CRACD: variants seen among roughly 807,000 people sequenced by gnomAD.
CRACD encodes the protein capping protein-inhibiting regulator of actin dynamics.
In CRACD, 56 loss-of-function variants were observed where a neutral mutation model predicts 106.8. The ratio of observed to expected loss-of-function variants is 0.52; its 90% CI spans 0.42 to 0.66. CRACD has a LOEUF of 0.66. CRACD is among the 30% of genes least tolerant of loss of function. The pLI, the probability that CRACD is intolerant of heterozygous loss-of-function variation, is 0.00. For missense variants in CRACD, 1,730 were observed against 1,623.2 expected (o/e 1.07, Z -1.13); for synonymous variants, 754 against 670.8 (o/e 1.12, Z -1.92).
intron 1 of CRACD, among the ~76,000 whole-genome samples, chr4:56,073,013 C>A (rs1397306583): frequency 1.3e-5 from 2 of 152,132 alleles, no homozygotes; most frequent in Admixed American, 1.3e-4. Context: ...CATTGATGGG[C>A]ATTTGGGTTG....
chr4:56,057,627 T>G (rs1029554510), intron 1 of CRACD, among the ~76,000 whole-genome samples: 5 of 144,344 alleles, frequency 3.5e-5, no homozygotes, highest in African/African-American at 1.3e-4. Flanking sequence ...TAGGTTGGGT[T>G]TTTTTTTTTT....
At chr4:56,077,992 C>A (rs950805266) in intron 1 of CRACD, among the ~76,000 whole-genome samples, 2 of 152,034 alleles carry the variant, frequency 1.3e-5, no homozygotes, top group African/African-American at 4.8e-5. Flanking sequence ...ATAAAGGCAC[C>A]AAATTATGAA....
intron 2 of CRACD, among the ~76,000 whole-genome samples, chr4:56,226,108 C>T (rs988191750): frequency 2.8e-5 from 4 of 141,606 alleles, no homozygotes; most frequent in Non-Finnish European, 6.1e-5. Context: ...TTCTTATCCA[C>T]ATACCATTGG....
At chr4:56,087,173 C>T (rs541968281) in intron 1 of CRACD, among the ~76,000 whole-genome samples, 39 of 152,154 alleles carry the variant, frequency 2.6e-4, no homozygotes, top group Admixed American at 4.6e-4. Flanking sequence ...TCACTATGCC[C>T]GGCTAATTTT....
chr4:56,115,625 G>T (rs752790629), intron 1 of CRACD, among the ~76,000 whole-genome samples: 53 of 152,244 alleles, frequency 3.5e-4, no homozygotes, highest in Admixed American at 7.2e-4. Flanking sequence ...GATTCAAAGA[G>T]GTTACAGTAA....
chr4:56,147,371 T>C (rs1197651697), intron 1 of CRACD, among the ~76,000 whole-genome samples: 1 of 152,210 alleles, frequency 6.6e-6, no homozygotes, highest in Non-Finnish European at 1.5e-5. Flanking sequence ...TAGAACATTT[T>C]CATCATCTGG....
Position 56,274,906 on chromosome 4 carries a change from A to G in CRACD, c.-17+2414A>G, listed in dbSNP as rs151111434. On this transcript the variant is annotated intron_variant, in intron 3 of 10. Transcript: ENST00000682029. ...TAAATACCCATCAGTGACAGATTGG[A>G]TAAAGAAATGTAGTGCATATGCACC... Among the ~76,000 whole-genome samples, 265 of 152,354 alleles carry G rather than the reference A, an allele frequency of 1.7e-3. 2 individuals are homozygous for G. In the Middle Eastern group the frequency reaches 0.02, roughly 12 times the overall value.
At chr4:56,080,772 G>A (rs989586795) in intron 1 of CRACD, among the ~76,000 whole-genome samples, 7 of 152,208 alleles carry the variant, frequency 4.6e-5, no homozygotes, top group African/African-American at 1.7e-4. Flanking sequence ...CAGTGGCAAA[G>A]CAAGGTGACG....
intron 1 of CRACD, among the ~76,000 whole-genome samples, chr4:56,156,926 A>T (rs11937414): frequency 6.6e-6 from 1 of 152,044 alleles, no homozygotes. Flanking sequence ...GTATAAGGGC[A>T]GAGATTTTTT....
chr4:56,096,782 G>T (rs1733614410), intron 1 of CRACD, among the ~76,000 whole-genome samples: 1 of 152,208 alleles, frequency 6.6e-6, no homozygotes, highest in African/African-American at 2.4e-5. Context: ...CAGTGGTGGT[G>T]ACAGATGGCC....
chr4:56,312,201 G>T (rs139844970), intron 6 of CRACD, among the ~76,000 whole-genome samples: 4 of 152,124 alleles, frequency 2.6e-5, no homozygotes, highest in Non-Finnish European at 4.4e-5. Flanking sequence ...TGCTTTGTGG[G>T]CTAGGCTAGA....
intron 2 of CRACD, among the ~76,000 whole-genome samples, chr4:56,271,122 A>G (rs867063028): frequency 1.1e-4 from 16 of 151,988 alleles, no homozygotes; most frequent in Non-Finnish European, 2.1e-4. Context: ...AAAAAAAAAA[A>G]AGTTTTTAAA....
At chr4:56,106,118 G>C (rs1733942455) in intron 1 of CRACD, among the ~76,000 whole-genome samples, 1 of 151,974 alleles carries the variant, frequency 6.6e-6, no homozygotes, top group Non-Finnish European at 1.5e-5. Context: ...CATTTTGCTG[G>C]GCAGTGTCCT....
At position 56,315,058 on chromosome 4, in the gene CRACD, T is replaced by TGGAGGAGCTGCGGTGGCA; in HGVS notation, c.1562_1579dup (p.Glu521_Glu526dup). ...GCCGCCCTTGAACAAGGCCGCAAGG[T>TGGAGGAGCTGCGGTGGCA]GGAGGAGCTGCGGTGGCAGGAGGTG... On this transcript the variant is annotated inframe_insertion, in exon 8 of 11. Coordinates refer to ENST00000682029, the MANE Select transcript of CRACD (RefSeq NM_001393381.1). This position sits in a 1 kb window ranked among gnomAD's most constrained non-coding sequence, Gnocchi z 4.1. 4 of 1,608,360 alleles carry TGGAGGAGCTGCGGTGGCA rather than the reference T, an allele frequency of 2.5e-6. No individual in the cohort carries two copies. The highest frequency in any genetic ancestry group is 3.4e-6 in the Non-Finnish European group (4 of 1,178,310).
intron 1 of CRACD, among the ~76,000 whole-genome samples, chr4:56,062,221 A>G (rs1732300025): frequency 6.6e-6 from 1 of 152,240 alleles, no homozygotes; most frequent in African/African-American, 2.4e-5. Context: ...TTAAAACTAA[A>G]TGGGAGCTCT....
At chr4:56,242,884 G>A (rs1036667565) in intron 2 of CRACD, among the ~76,000 whole-genome samples, 1 of 152,108 alleles carries the variant, frequency 6.6e-6, no homozygotes, top group Non-Finnish European at 1.5e-5. Context: ...GTGGAAGTTT[G>A]TACACTTCAC....
chr4:56,076,662 T>C (rs1011436506), intron 1 of CRACD, among the ~76,000 whole-genome samples: 1 of 152,216 alleles, frequency 6.6e-6, no homozygotes, highest in African/African-American at 2.4e-5. Flanking sequence ...ATGCCACCTT[T>C]TTTTCTTTGC....
At chr4:56,159,525 G>A (rs1169664733) in intron 1 of CRACD, among the ~76,000 whole-genome samples, 1 of 151,940 alleles carries the variant, frequency 6.6e-6, no homozygotes, top group African/African-American at 2.4e-5. Context: ...GGTGGCGGGC[G>A]CCTGTAGTCC....
At chr4:56,137,485 G>T (rs1735042471) in intron 1 of CRACD, among the ~76,000 whole-genome samples, 1 of 152,062 alleles carries the variant, frequency 6.6e-6, no homozygotes, top group Admixed American at 6.5e-5. Flanking sequence ...GGCATTCCCA[G>T]GGCTCACCTC....
Sources: gnomAD v4.1 joint callset for allele counts (sites outside exome capture counted in the v4.1 genomes callset) on GRCh38, gnomAD v4.1.1 for gene constraint, Gnocchi (gnomAD v3.1) non-coding constraint, MANE v1.5 for transcripts, NCBI Gene and HGNC (gene_info 2026-07-23, HGNC 2026-07-21) for gene names.